The following TNRC6C variants were observed in gnomAD, a reference collection of about 807,000 sequenced individuals.
TNRC6C encodes the protein trinucleotide repeat-containing gene 6C protein.
TNRC6C carries 20 observed loss-of-function variants against 153.7 expected under a neutral mutation model. The ratio of observed to expected loss-of-function variants is 0.13; its 90% CI spans 0.09 to 0.19. The LOEUF (loss-of-function observed/expected upper bound fraction) is 0.19. TNRC6C is among the 10% of genes least tolerant of loss of function. The pLI, the probability that TNRC6C is intolerant of heterozygous loss-of-function variation, is 1.00. For missense variants in TNRC6C, 1,987 were observed against 2,172.0 expected (o/e 0.91, Z 1.69); for synonymous variants, 811 against 841.4 (o/e 0.96, Z 0.63).
intron 1 of TNRC6C, among the ~76,000 whole-genome samples, chr17:78,005,993 T>TACACAACTGTACATGTAGACACATGC (rs2071489515): frequency 1.3e-5 from 2 of 152,212 alleles, no homozygotes; most frequent in African/African-American, 4.8e-5. Flanking sequence ...CCATCACATG[T>TACACAACTGTACATGTAGACACATGC]ACACAACTGT....
intron 1 of TNRC6C, among the ~76,000 whole-genome samples, chr17:77,997,326 C>T (rs1457948242): frequency 2.0e-5 from 3 of 152,156 alleles, no homozygotes; most frequent in Non-Finnish European, 4.4e-5. Context: ...TCATACCTCT[C>T]TTACGATCTC....
intron 1 of TNRC6C, among the ~76,000 whole-genome samples, chr17:77,961,814 A>T (rs1242550784): frequency 1.3e-5 from 2 of 152,254 alleles, no homozygotes; most frequent in African/African-American, 2.4e-5. Flanking sequence ...TAAGTCATAC[A>T]GAGGATATAT....
chr17:78,030,352 CAG>C (rs765979691), intron 1 of TNRC6C, among the ~76,000 whole-genome samples: 2 of 151,696 alleles, frequency 1.3e-5, no homozygotes, highest in East Asian at 1.9e-4. Flanking sequence ...GTAGTAGAGA[CAG>C]GGTTTCACCA....
rs767580349 is a variant in TNRC6C at position 78,079,533 on chromosome 17, T to G, written c.3349T>G (p.Ser1117Ala). 30 of 1,613,776 alleles carry G rather than the reference T, an allele frequency of 1.9e-5. No homozygotes were observed. The highest frequency in any genetic ancestry group is 2.2e-5 in the Non-Finnish European group (26 of 1,179,858). The change falls in exon 10 of 20, where the codon TCC becomes GCC. Residue 1117 changes from serine to alanine, a missense_variant. Transcript: ENST00000301624. This position sits in a 1 kb window ranked among gnomAD's most constrained non-coding sequence, Gnocchi z 4.3. ...CCGTGCTCAAGTGCCTCAGTTTCTATCCCCTCAGGTCAGACCCACATCCAA... is the reference window on the plus strand; with the variant it reads ...CCGTGCTCAAGTGCCTCAGTTTCTAGCCCCTCAGGTCAGACCCACATCCAA...
At chr17:78,046,210 C>T (rs1227128788) in intron 2 of TNRC6C, among the ~76,000 whole-genome samples, 1 of 147,604 alleles carries the variant, frequency 6.8e-6, no homozygotes, top group Non-Finnish European at 1.5e-5. Context: ...GAGATGGAGT[C>T]TCACTGTGTT....
chr17:78,069,087 G>C (rs977687069), intron 5 of TNRC6C, among the ~76,000 whole-genome samples: 1 of 152,020 alleles, frequency 6.6e-6, no homozygotes, highest in Non-Finnish European at 1.5e-5. Context: ...TGTAAAAACT[G>C]TACATGACAG....
chr17:78,098,829 C>CAGGAGTGT (rs987286960), intron 17 of TNRC6C, among the ~76,000 whole-genome samples: 3 of 152,306 alleles, frequency 2.0e-5, no homozygotes, highest in Admixed American at 6.5e-5. Context: ...ATTCTATCCT[C>CAGGAGTGT]AGGAGTGTGG....
At chr17:78,038,552 G>A (rs1001170296) in intron 2 of TNRC6C, among the ~76,000 whole-genome samples, 3 of 151,732 alleles carry the variant, frequency 2.0e-5, no homozygotes, top group South Asian at 2.1e-4. Flanking sequence ...GGTGGCGGGC[G>A]CCTGTAGTCC....
At chr17:78,088,955 G>A (rs866299589) in intron 13 of TNRC6C, among the ~76,000 whole-genome samples, 3 of 121,940 alleles carry the variant, frequency 2.5e-5, no homozygotes, top group Non-Finnish European at 3.4e-5. Context: ...TACACTTATC[G>A]TTACTTTTTT....
upstream of TNRC6C, among the ~76,000 whole-genome samples, chr17:78,000,911 G>T (rs1255050259): frequency 1.3e-5 from 2 of 152,090 alleles, no homozygotes; most frequent in African/African-American, 4.8e-5. Flanking sequence ...TGGATTCTCA[G>T]TCTACCTACA....
intron 4 of TNRC6C, chr17:78,067,103 G>GCTC (rs1326064490): frequency 2.0e-5 from 3 of 152,192 alleles, no homozygotes; most frequent in Non-Finnish European, 2.9e-5. Flanking sequence ...AACACTTTGG[G>GCTC]ATGCCGAGGC....
intron 2 of TNRC6C, among the ~76,000 whole-genome samples, chr17:78,038,962 T>C (rs1390385545): frequency 1.3e-5 from 2 of 151,856 alleles, no homozygotes; most frequent in Admixed American, 6.6e-5. Flanking sequence ...GGTCGGAATG[T>C]AAGGAGGCAT....
chr17:78,093,679 G>A, exon 16 of TNRC6C: 7 of 1,613,996 alleles, frequency 4.3e-6, no homozygotes, highest in Non-Finnish European at 5.9e-6. Context: ...GAATGACCCT[G>A]ACGTCACTCC....
chr17:77,968,531 A>G (rs1229335807), intron 1 of TNRC6C, among the ~76,000 whole-genome samples: 4 of 141,828 alleles, frequency 2.8e-5, no homozygotes, highest in East Asian at 2.2e-4. Flanking sequence ...TAGTAGAGAC[A>G]GGGTTTCACC....
chr17:78,014,712 G>T (rs1341759285), intron 1 of TNRC6C, among the ~76,000 whole-genome samples: 1 of 151,008 alleles, frequency 6.6e-6, no homozygotes, highest in Non-Finnish European at 1.5e-5. Context: ...CCTCTGAACG[G>T]CATTTCTCAT....
At chr17:78,027,621 A>C (rs1002000928) in intron 1 of TNRC6C, among the ~76,000 whole-genome samples, 1 of 152,180 alleles carries the variant, frequency 6.6e-6, no homozygotes, top group Admixed American at 6.5e-5. Context: ...AAAGTCCCTA[A>C]GATAGGATCC....
intron 1 of TNRC6C, among the ~76,000 whole-genome samples, chr17:77,972,939 ACT>A (rs747248038): frequency 2.6e-5 from 4 of 152,012 alleles, no homozygotes; most frequent in African/African-American, 9.7e-5. Context: ...GAGTCTCGCA[ACT>A]CTCTCTCAGG....
intron 1 of TNRC6C, among the ~76,000 whole-genome samples, chr17:77,960,565 G>C (rs2070853602): frequency 6.6e-6 from 1 of 152,182 alleles, no homozygotes; most frequent in Non-Finnish European, 1.5e-5. Context: ...AGTGGTAGCT[G>C]GTTTGAAATG....
chr17:78,104,934 C>T lies in TNRC6C; in HGVS notation c.*89C>T, dbSNP rs2073665719. ...CCACAGACCCGCTGGAACCCAGCAGCGGCCGCCCTTTTGAGTACCTCTGTC... is the reference window on the plus strand; with the variant it reads ...CCACAGACCCGCTGGAACCCAGCAGTGGCCGCCCTTTTGAGTACCTCTGTC... On this transcript the variant is annotated 3_prime_UTR_variant, in exon 20 of 20. Coordinates refer to ENST00000301624, the Ensembl canonical transcript of TNRC6C. The surrounding 1 kb of genome is among the most constrained non-coding windows in gnomAD (Gnocchi z 6.2). 3 of 1,363,324 alleles carry T rather than the reference C, an allele frequency of 2.2e-6. No homozygotes were observed. The highest frequency in any genetic ancestry group is 1.9e-6 in the Non-Finnish European group (2 of 1,062,050). 84.5% of individuals were successfully genotyped at this position (1,363,324 alleles called of 1,614,324 possible). A position where few individuals can be genotyped will look rare whatever the true frequency, so the allele number is the denominator to read the frequency against.
Sources: allele counts gnomAD v4.1 joint callset (sites outside exome capture counted in the v4.1 genomes callset), GRCh38; gene constraint gnomAD v4.1.1; non-coding constraint Gnocchi (gnomAD v3.1); transcripts MANE v1.5; gene names NCBI Gene and HGNC (gene_info 2026-07-23, HGNC 2026-07-21).